The following TENM1 variants were observed in gnomAD, a reference collection of about 807,000 sequenced individuals.
TENM1 encodes teneurin transmembrane protein 1.
In TENM1, 35 loss-of-function variants were observed where a neutral mutation model predicts 174.8. The ratio of observed to expected loss-of-function variants is 0.20; its 90% confidence interval spans 0.15 to 0.27. The LOEUF (loss-of-function observed/expected upper bound fraction) is 0.27, where lower values mean the gene tolerates loss of function less well. Ranked by LOEUF, TENM1 falls within the 10% of genes least tolerant of loss-of-function variation. The pLI is 1.00. For missense variants in TENM1, 1,633 were observed against 2,130.1 expected (o/e 0.77, Z 4.59); for synonymous variants, 781 against 798.7 (o/e 0.98, Z 0.37).
At chrX:124,384,713 C>T (rs1335046739) in exon 30 of TENM1, 7 of 1,211,022 alleles carry the variant, frequency 5.8e-6, no homozygotes, top group East Asian at 3.0e-5. Context: ...ATCAACATAT[C>T]GGTAAAGATC....
At chrX:124,766,698 T>C (rs2054545723) in intron 3 of TENM1, among the ~76,000 whole-genome samples, 1 of 111,338 alleles carries the variant, frequency 9.0e-6, no homozygotes, top group African/African-American at 3.3e-5. Context: ...AGAGTTCTAC[T>C]GGAATATTAT....
the TENM1 span, among the ~76,000 whole-genome samples, chrX:125,125,821 T>C: frequency 8.9e-6 from 1 of 111,995 alleles, no homozygotes; most frequent in African/African-American, 3.2e-5. Flanking sequence ...ATCGTTTGAC[T>C]CACTTTGGAG....
chrX:124,419,621 A>AT (rs2060628447), intron 25 of TENM1, among the ~76,000 whole-genome samples: 1 of 112,125 alleles, frequency 8.9e-6, no homozygotes, highest in African/African-American at 3.2e-5. Context: ...TTAGTTCCCC[A>AT]TTAAACAAAG....
the TENM1 span, among the ~76,000 whole-genome samples, chrX:125,137,241 G>T: frequency 1.3e-4 from 14 of 111,235 alleles, no homozygotes; most frequent in Non-Finnish European, 2.1e-4. Context: ...GATTATTATT[G>T]TGTATGGAGC....
chrX:124,713,704 A>G (rs2053115529), intron 4 of TENM1, among the ~76,000 whole-genome samples: 1 of 112,289 alleles, frequency 8.9e-6, no homozygotes, highest in Non-Finnish European at 1.9e-5. Context: ...ATTTCTAGGT[A>G]CATTGTCTCT....
intron 2 of TENM1, 63 bp from the exon 6 acceptor site, chrX:124,894,415 C>G: frequency 1.2e-6 from 1 of 861,428 alleles, no homozygotes; most frequent in Admixed American, 2.8e-5. Context: ...CCTCAAACTT[C>G]AACCCTTACC....
At chrX:124,928,083 A>G (rs951781601) in intron 1 of TENM1, among the ~76,000 whole-genome samples, 3 of 112,242 alleles carry the variant, frequency 2.7e-5, no homozygotes, top group Non-Finnish European at 5.6e-5. Context: ...ACACAAGCAA[A>G]TGAATCAAAA....
rs1405344364 is a variant in TENM1, at chrX:124,601,443, T to C, written c.2078-35883A>G. Reference sequence around the variant, plus strand: ...GAGCCTGGGTGCAGATCCAACCTGATTTCAGACTTGATGGCAGGAAATTGA... The same window carrying C: ...GAGCCTGGGTGCAGATCCAACCTGACTTCAGACTTGATGGCAGGAAATTGA... On this transcript the variant is annotated intron_variant, in intron 11 of 31. Transcript: ENST00000422452. Among the ~76,000 whole-genome samples, 3 of 110,883 alleles carry C rather than the reference T, an allele frequency of 2.7e-5. No individual in the cohort carries two copies. In the East Asian group the frequency reaches 8.5e-4, roughly 31 times the overall value.
chrX:125,090,461 C>T, the TENM1 span, among the ~76,000 whole-genome samples: 549 of 102,140 alleles, frequency 5.4e-3, 2 homozygotes, highest in African/African-American at 0.018. Context: ...GTCTGGGAAA[C>T]ATGCCAAAAC....
the TENM1 span, among the ~76,000 whole-genome samples, chrX:124,986,887 C>T: frequency 9.0e-6 from 1 of 111,694 alleles, no homozygotes. Context: ...GGTGATCCGC[C>T]TGCCTCGGCC....
At chrX:124,872,671 T>A (rs751989448) in intron 3 of TENM1, among the ~76,000 whole-genome samples, 1 of 112,237 alleles carries the variant, frequency 8.9e-6, no homozygotes, top group African/African-American at 3.2e-5. Flanking sequence ...TAGCATGGTA[T>A]ATATTAATAT....
At chrX:124,509,538 A>T (rs992968969) in intron 18 of TENM1, among the ~76,000 whole-genome samples, 5 of 110,668 alleles carry the variant, frequency 4.5e-5, no homozygotes, top group African/African-American at 1.6e-4. Flanking sequence ...GGGATTCAAT[A>T]TTGTAATGGA....
intron 3 of TENM1, among the ~76,000 whole-genome samples, chrX:124,768,838 T>G (rs1359605695): frequency 1.8e-5 from 2 of 112,565 alleles, no homozygotes; most frequent in African/African-American, 6.4e-5. Context: ...TATTCAGTAT[T>G]GAACACTCAG....
At chrX:124,932,161 C>T in intron 1 of TENM1, among the ~76,000 whole-genome samples, 1 of 111,792 alleles carries the variant, frequency 8.9e-6, no homozygotes, top group Non-Finnish European at 1.9e-5. Flanking sequence ...GTTCACAATG[C>T]CCTACAGGAA....
chrX:125,161,545 C>G, the TENM1 span, among the ~76,000 whole-genome samples: 1 of 111,610 alleles, frequency 9.0e-6, no homozygotes, highest in East Asian at 2.8e-4. Flanking sequence ...TCAAAACCCA[C>G]ATATTGTATG....
exon 19 of TENM1, chrX:124,503,596 A>C (rs773198977): frequency 1.7e-6 from 2 of 1,208,159 alleles, no homozygotes; most frequent in Non-Finnish European, 2.2e-6. Flanking sequence ...TTATTCAAAG[A>C]CCAGCCTCCT....
chrX:124,773,619 T>C (rs2054712028), intron 3 of TENM1, among the ~76,000 whole-genome samples: 5 of 111,141 alleles, frequency 4.5e-5, no homozygotes, highest in Admixed American at 1.9e-4. Context: ...CATAAAGATA[T>C]GGGTTTTAAG....
the TENM1 span, among the ~76,000 whole-genome samples, chrX:125,139,407 C>T: frequency 3.6e-5 from 4 of 110,976 alleles, no homozygotes; most frequent in South Asian, 3.9e-4. Flanking sequence ...GGGGTTAGCC[C>T]TCCCGAAGCT....
At chrX:124,624,415 TTC>T (rs2050589958) in intron 11 of TENM1, among the ~76,000 whole-genome samples, 1 of 111,553 alleles carries the variant, frequency 9.0e-6, no homozygotes, top group Non-Finnish European at 1.9e-5. Flanking sequence ...TGAATCATAC[TTC>T]CGATGTTAAG....
Sources: gnomAD v4.1 joint callset for allele counts (sites outside exome capture counted in the v4.1 genomes callset) on GRCh38, gnomAD v4.1.1 for gene constraint, MANE v1.5 for transcripts, NCBI Gene and HGNC (gene_info 2026-07-23, HGNC 2026-07-21) for gene names.